Variants in CIT observed in about 807,000 individuals in gnomAD.
CIT encodes the protein citron Rho-interacting kinase.
In CIT, 79 loss-of-function variants were observed where a neutral mutation model predicts 272.7. The ratio of observed to expected loss-of-function variants is 0.29; its 90% confidence interval spans 0.24 to 0.35. The LOEUF (loss-of-function observed/expected upper bound fraction) is 0.35, where lower values mean the gene tolerates loss of function less well. Among genes scored for constraint, CIT ranks in the 10% least tolerant of loss-of-function variants. The pLI is 1.00. For missense variants in CIT, 1,909 were observed against 2,618.3 expected, an observed-to-expected ratio of 0.73 and a Z score of 5.91; for synonymous variants, 948 against 995.6, an observed-to-expected ratio of 0.95 and a Z score of 0.90.
At chr12:119,741,474 A>G (rs151281498) in intron 24 of CIT, among the ~76,000 whole-genome samples, 1 of 152,376 alleles carries the variant, frequency 6.6e-6, no homozygotes, top group African/African-American at 2.4e-5. Flanking sequence ...TAAAATTACT[A>G]CATTATTATG....
intron 44 of CIT, among the ~76,000 whole-genome samples, chr12:119,698,605 A>C (rs1296777550): frequency 1.3e-5 from 2 of 151,870 alleles, no homozygotes; most frequent in Non-Finnish European, 2.9e-5. Flanking sequence ...AAAAAAAAAA[A>C]AATTATAATA....
intron 10 of CIT, among the ~76,000 whole-genome samples, chr12:119,799,007 C>A (rs1467754808): frequency 6.6e-6 from 1 of 152,170 alleles, no homozygotes; most frequent in Non-Finnish European, 1.5e-5. Flanking sequence ...CCTTCTAATT[C>A]TGTTCCCCAA....
rs572596504 is a variant in CIT at position 119,835,521 on chromosome 12, C to T, written c.517-1293G>A. On this transcript the variant is annotated intron_variant, in intron 5 of 47. Coordinates refer to ENST00000392521, the MANE Select transcript of CIT (RefSeq NM_001206999.2). Reference sequence around the variant, plus strand: ...GTTCTCCTGTCCTTCGCCCTGATTTCCCATTTTATTAGCCATGCTATAAAT... The same window carrying T: ...GTTCTCCTGTCCTTCGCCCTGATTTTCCATTTTATTAGCCATGCTATAAAT... 2.6e-5 allele frequency among the ~76,000 whole-genome samples: 4 copies of T among 152,262 alleles called. No homozygotes were observed. The South Asian group carries it at 8.3e-4, about 32-fold the overall frequency.
intron 10 of CIT, among the ~76,000 whole-genome samples, chr12:119,792,288 G>A (rs1039499137): frequency 1.3e-5 from 2 of 152,112 alleles, no homozygotes; most frequent in Non-Finnish European, 2.9e-5. Context: ...TATACTTGAA[G>A]CCAAAATGAG....
At chr12:119,851,159 T>C (rs1970199964) in intron 4 of CIT, among the ~76,000 whole-genome samples, 1 of 152,186 alleles carries the variant, frequency 6.6e-6, no homozygotes, top group African/African-American at 2.4e-5. Flanking sequence ...CTTCAGGTGA[T>C]CCTCTTGCCT....
At chr12:119,779,703 C>G (rs775568159) in intron 13 of CIT, among the ~76,000 whole-genome samples, 8 of 152,122 alleles carry the variant, frequency 5.3e-5, no homozygotes, top group Admixed American at 2.6e-4. Flanking sequence ...TTCCTTCCCC[C>G]CAACATCTCT....
At chr12:119,740,210 C>T (rs1286038149) in intron 24 of CIT, among the ~76,000 whole-genome samples, 2 of 152,136 alleles carry the variant, frequency 1.3e-5, no homozygotes, top group Non-Finnish European at 2.9e-5. Flanking sequence ...TAGAAGTCAC[C>T]GTTCCAGAAA....
chr12:119,868,069 G>A (rs779888246), intron 3 of CIT, among the ~76,000 whole-genome samples: 49 of 151,916 alleles, frequency 3.2e-4, no homozygotes, highest in Admixed American at 1.2e-3. Flanking sequence ...TCTCTACAGA[G>A]AAAAAAGCAA....
At position 119,823,019 on chromosome 12, in the gene CIT, G is replaced by A. The variant is rs765218829; in HGVS notation, c.958-46C>T. ...GAATTATTTCCTTAGTAGGGATTCC[G>A]TTTCTCATGCTGCAAAGTGAAGAAA... is the stretch of plus-strand genomic sequence containing the variant. On this transcript the variant is annotated intron_variant, in intron 8 of 47. Transcript: ENST00000392521. 223 of 1,537,344 alleles carry A rather than the reference G, an allele frequency of 1.5e-4. 1 individual carries two copies. Among genetic ancestry groups the A allele is most frequent in the Admixed American group, 2.1e-4 (10 of 48,336 alleles).
Position 119,776,668 on chromosome 12 carries a change from C to G in CIT, c.1836+4G>C, listed in dbSNP as rs1963779317. 1 of 1,612,448 alleles carries G rather than the reference C, an allele frequency of 6.2e-7. No individual in the cohort carries two copies. The highest frequency in any genetic ancestry group is 8.5e-7 in the Non-Finnish European group (1 of 1,179,186). ...AAGCACCCTCCTGGAGGGTGGCTGA[C>G]TACCTTCAACAGTTTATGCTGACAT... On this transcript the variant is annotated splice_donor_region_variant and intron_variant, in intron 14 of 47. Coordinates refer to ENST00000392521, the MANE Select transcript of CIT (RefSeq NM_001206999.2).
intron 5 of CIT, among the ~76,000 whole-genome samples, chr12:119,836,036 C>A (rs1044955719): frequency 1.3e-5 from 2 of 151,990 alleles, no homozygotes; most frequent in Admixed American, 6.6e-5. Context: ...CACCTGTAAT[C>A]CCAGCACTTT....
At position 119,784,890 on chromosome 12, in the gene CIT, C is replaced by T. The variant is rs1964633806; in HGVS notation, c.1401+70G>A. On this transcript the variant is annotated intron_variant, in intron 11 of 47. Coordinates refer to ENST00000392521, the MANE Select transcript of CIT (RefSeq NM_001206999.2). This position sits in a 1 kb window ranked among gnomAD's most constrained non-coding sequence, Gnocchi z 4.7. The stretch of plus-strand genomic sequence containing the variant: ...GCTCAGAGCCAGCAGCGGCCCCGGG[C>T]GGATCCCTTGGCATATACGGACGGG... 9 of 1,576,832 alleles carry T rather than the reference C, an allele frequency of 5.7e-6. No individual in the cohort carries two copies. Among genetic ancestry groups the T allele is most frequent in the Admixed American group, 1.8e-5 (1 of 54,586 alleles).
intron 24 of CIT, among the ~76,000 whole-genome samples, chr12:119,741,417 G>A (rs1413883873): frequency 2.0e-5 from 3 of 152,150 alleles, no homozygotes; most frequent in Non-Finnish European, 4.4e-5. Flanking sequence ...CTACATTGGG[G>A]TTACCCAGTT....
intron 5 of CIT, among the ~76,000 whole-genome samples, chr12:119,834,633 G>T (rs997590704): frequency 6.6e-6 from 1 of 152,186 alleles, no homozygotes; most frequent in Non-Finnish European, 1.5e-5. Flanking sequence ...AATACAGAAG[G>T]CTTGCAATAA....
intron 47 of CIT, among the ~76,000 whole-genome samples, chr12:119,689,506 A>C (rs912290177): frequency 6.6e-6 from 1 of 152,168 alleles, no homozygotes; most frequent in Non-Finnish European, 1.5e-5. Context: ...AGGAGAGCAC[A>C]CATATATATT....
At chr12:119,842,935 C>T (rs956885509) in intron 5 of CIT, among the ~76,000 whole-genome samples, 2 of 152,186 alleles carry the variant, frequency 1.3e-5, no homozygotes, top group Admixed American at 6.5e-5. Flanking sequence ...GCTCTACTCT[C>T]CCTTTATGGA....
chr12:119,841,347 A>G (rs143934471), intron 5 of CIT, among the ~76,000 whole-genome samples: 209 of 151,974 alleles, frequency 1.4e-3, no homozygotes, highest in African/African-American at 4.8e-3. Flanking sequence ...GCTAATTTCT[A>G]TATTTTTAGG....
intron 37 of CIT, chr12:119,711,242 A>G: frequency 8.0e-6 from 4 of 502,882 alleles, no homozygotes; most frequent in East Asian, 1.3e-4. Context: ...TAAAGTGTTT[A>G]TTAGGAGTGA....
rs527682627 is a variant in CIT at position 119,719,107 on chromosome 12, C to G, written c.3841-246G>C. The G allele has an allele frequency of 5.0e-5, 23 of 458,148 alleles. No individual in the cohort carries two copies. The South Asian group carries it at 5.4e-4, about 11-fold the overall frequency. The allele number at this position is 458,148 out of a possible 1,614,324, so 28.4% of individuals were successfully genotyped here. A position where few individuals can be genotyped will look rare whatever the true frequency, so the allele number is the denominator to read the frequency against. Reference sequence around the variant, plus strand: ...GGATTAAAGATGCTTGAATGGCCACCACCTCTTCCTCTAGCATTGCCAAGA... The same window carrying G: ...GGATTAAAGATGCTTGAATGGCCACGACCTCTTCCTCTAGCATTGCCAAGA... On this transcript the variant is annotated intron_variant, in intron 30 of 47. Transcript: ENST00000392521.
Sources: gnomAD v4.1 joint callset for allele counts (sites outside exome capture counted in the v4.1 genomes callset) on GRCh38, gnomAD v4.1.1 for gene constraint, Gnocchi (gnomAD v3.1) non-coding constraint, MANE v1.5 for transcripts, NCBI Gene and HGNC (gene_info 2026-07-23, HGNC 2026-07-21) for gene names.